PTPRT: variants seen among roughly 807,000 people sequenced by gnomAD.
PTPRT encodes receptor-type tyrosine-protein phosphatase T.
Under a neutral mutation model 176.8 loss-of-function variants are expected in PTPRT, and 56 were observed. The observed-to-expected ratio is 0.32, with a 90% CI of 0.26 to 0.40. The LOEUF is 0.40. Among genes scored for constraint, PTPRT ranks in the 10% least tolerant of loss-of-function variants. The pLI is 1.00. For synonymous variants in PTPRT, 783 were observed against 739.0 expected (o/e 1.06, Z -0.96); for missense variants, 1,540 against 1,908.2 (o/e 0.81, Z 3.60).
At chr20:42,147,960 T>A (rs1331444869) in intron 17 of PTPRT, among the ~76,000 whole-genome samples, 4 of 151,978 alleles carry the variant, frequency 2.6e-5, no homozygotes, top group Non-Finnish European at 4.4e-5. Flanking sequence ...AAAAAAAATA[T>A]GAGGGGGAAA....
chr20:42,816,304 T>A (rs567150174), intron 2 of PTPRT, among the ~76,000 whole-genome samples: 37 of 152,266 alleles, frequency 2.4e-4, no homozygotes, highest in Admixed American at 6.5e-4. Context: ...CTTTGAGAGG[T>A]AGAGAAGATA....
At chr20:42,676,472 C>A (rs531200294) in intron 7 of PTPRT, among the ~76,000 whole-genome samples, 1 of 152,170 alleles carries the variant, frequency 6.6e-6, no homozygotes, top group Admixed American at 6.5e-5. Context: ...TTTTCTGAAA[C>A]CCATGCTGCC....
In PTPRT at chr20:42,713,149, G is replaced by A. The variant is rs551764539; in HGVS notation, c.860-34990C>T. Among the ~76,000 whole-genome samples, 424 of 131,446 alleles carry A rather than the reference G, an allele frequency of 3.2e-3. 3 individuals are homozygous for A. The highest frequency in any genetic ancestry group is 0.012 in the African/African-American group (402 of 32,162). 86.2% of individuals were successfully genotyped at this position (131,446 alleles called of 152,430 possible). ...TATACATACACATACACACGTACACGCACACATACACACACACACACACAC... is the reference window on the plus strand; with the variant it reads ...TATACATACACATACACACGTACACACACACATACACACACACACACACAC... On this transcript the variant is annotated intron_variant, in intron 6 of 30. Transcript: ENST00000373187.
At chr20:42,288,068 C>T (rs1428066406) in intron 12 of PTPRT, among the ~76,000 whole-genome samples, 1 of 151,924 alleles carries the variant, frequency 6.6e-6, no homozygotes, top group African/African-American at 2.4e-5. Flanking sequence ...AGGAAACAGA[C>T]TAAATCTTAA....
chr20:42,632,499 A>G (rs555129250), intron 7 of PTPRT, among the ~76,000 whole-genome samples: 55 of 152,190 alleles, frequency 3.6e-4, no homozygotes, highest in African/African-American at 1.3e-3. Context: ...CTGGGGTTAC[A>G]GGCGTGAGCC....
At chr20:42,456,698 TA>T (rs1309774189) in intron 8 of PTPRT, among the ~76,000 whole-genome samples, 1 of 152,158 alleles carries the variant, frequency 6.6e-6, no homozygotes, top group Admixed American at 6.5e-5. Context: ...TTTTTTAAAC[TA>T]TTTTTTTGCA....
At chr20:42,341,332 T>A (rs891797736) in intron 11 of PTPRT, among the ~76,000 whole-genome samples, 8 of 152,218 alleles carry the variant, frequency 5.3e-5, no homozygotes, top group African/African-American at 1.4e-4. Context: ...TTATCCATCA[T>A]CTTCATTTCT....
At position 42,684,207 on chromosome 20, in the gene PTPRT, C is replaced by T. The variant is rs563441463; in HGVS notation, c.860-6048G>A. Among the ~76,000 whole-genome samples the T allele has an allele frequency of 2.1e-4, 32 of 151,982 alleles. 1 individual carries two copies. In the South Asian group the frequency reaches 6.0e-3, roughly 29 times the overall value. The stretch of plus-strand genomic sequence containing the variant: ...GTCTCTACTAAAAATTAGCTGGGCA[C>T]GGTGGTAAGCACTTGTAATTCCAGC... On this transcript the variant is annotated intron_variant, in intron 6 of 30. Coordinates refer to ENST00000373187, the MANE Select transcript of PTPRT (RefSeq NM_007050.6).
rs1340586296 is a variant in PTPRT, at chr20:42,211,710, T to C, written c.2343-12322A>G. Among the ~76,000 whole-genome samples, 12 of 141,520 alleles carry C rather than the reference T, an allele frequency of 8.5e-5. No homozygotes were observed. The East Asian group carries it at 1.9e-3, about 23-fold the overall frequency. 92.8% of individuals were successfully genotyped at this position (141,520 alleles called of 152,430 possible). On this transcript the variant is annotated intron_variant, in intron 15 of 30. Transcript: ENST00000373187. ...TTACACTGTTGGTGGGACTGTAAAC[T>C]AGTTCAACCATTGTGGAAGTCAGTG...
At chr20:42,133,327 G>A (rs992172549) in intron 18 of PTPRT, among the ~76,000 whole-genome samples, 7 of 152,154 alleles carry the variant, frequency 4.6e-5, no homozygotes, top group Non-Finnish European at 1.0e-4. Context: ...GCATTCATTC[G>A]ATATCCATAC....
intron 7 of PTPRT, among the ~76,000 whole-genome samples, chr20:42,563,386 T>C (rs1028778551): frequency 6.6e-6 from 1 of 152,204 alleles, no homozygotes; most frequent in Non-Finnish European, 1.5e-5. Flanking sequence ...TTTTGGGAAA[T>C]TAGACCTCTC....
intron 1 of PTPRT, among the ~76,000 whole-genome samples, chr20:42,899,551 TGAC>T (rs1303244610): frequency 5.3e-5 from 8 of 152,238 alleles, no homozygotes; most frequent in Non-Finnish European, 1.0e-4. Context: ...TGTTTATGCT[TGAC>T]GAGGCTGTTT....
intron 1 of PTPRT, among the ~76,000 whole-genome samples, chr20:42,906,799 A>C (rs540544699): frequency 1.1e-4 from 16 of 152,328 alleles, no homozygotes; most frequent in Middle Eastern, 3.4e-3. Context: ...CTGCATCTGG[A>C]GGAAACTAAA....
chr20:43,103,830 G>GA (rs958646366), intron 1 of PTPRT, among the ~76,000 whole-genome samples: 2 of 151,622 alleles, frequency 1.3e-5, no homozygotes, highest in Non-Finnish European at 2.9e-5. Context: ...AAAAAACACT[G>GA]ATATAATGTG....
intron 12 of PTPRT, among the ~76,000 whole-genome samples, chr20:42,307,595 C>A (rs758464369): frequency 6.6e-6 from 1 of 152,122 alleles, no homozygotes; most frequent in Non-Finnish European, 1.5e-5. Flanking sequence ...GACATGCGAA[C>A]AGTCACTGAA....
rs149948677 is a variant in PTPRT at position 43,126,879 on chromosome 20, C to G, written c.88+62767G>C. On this transcript the variant is annotated intron_variant, in intron 1 of 30. Transcript: ENST00000373187. Reference sequence around the variant, plus strand: ...ACATCCATAGAGTGCTTCTTCTCAACCTGGGTCCCAGAATCATCCCTTGAA... The same window carrying G: ...ACATCCATAGAGTGCTTCTTCTCAAGCTGGGTCCCAGAATCATCCCTTGAA... 4.7e-3 allele frequency among the ~76,000 whole-genome samples: 722 copies of G among 152,282 alleles called. 3 individuals carry two copies. The highest frequency in any genetic ancestry group is 7.9e-3 in the Non-Finnish European group (536 of 68,024).
intron 1 of PTPRT, among the ~76,000 whole-genome samples, chr20:43,137,184 G>A (rs1014170704): frequency 6.6e-6 from 1 of 152,090 alleles, no homozygotes; most frequent in African/African-American, 2.4e-5. Flanking sequence ...GGCCCAGAAG[G>A]GTGAGGCAGC....
At chr20:42,962,236 A>C (rs1381260951) in intron 1 of PTPRT, among the ~76,000 whole-genome samples, 1 of 152,226 alleles carries the variant, frequency 6.6e-6, no homozygotes, top group Non-Finnish European at 1.5e-5. Context: ...ATATCTTCCT[A>C]TCATTAGTTG....
intron 8 of PTPRT, 127 bp from the exon 9 acceptor site, chr20:42,448,456 G>A (rs2070771061): frequency 1.5e-6 from 1 of 683,652 alleles, no homozygotes; most frequent in East Asian, 2.7e-5. Flanking sequence ...AGGTCTGATG[G>A]GCTGTACGTT....
Sources: allele counts gnomAD v4.1 joint callset (sites outside exome capture counted in the v4.1 genomes callset), GRCh38; gene constraint gnomAD v4.1.1; transcripts MANE v1.5; gene names NCBI Gene and HGNC (gene_info 2026-07-23, HGNC 2026-07-21).